The following ADCY1 variants were observed in gnomAD, a reference collection of about 807,000 sequenced individuals.
The protein encoded by ADCY1 is adenylate cyclase type 1.
Under a neutral mutation model 105.4 loss-of-function variants are expected in ADCY1, and 28 were observed. That is an observed-to-expected ratio of 0.27 (90% confidence interval 0.20 to 0.36). The LOEUF is 0.36. ADCY1 is among the 10% of genes least tolerant of loss of function. The pLI is 1.00. For missense variants in ADCY1, 977 were observed against 1,434.2 expected, an observed-to-expected ratio of 0.68 and a Z score of 5.15; for synonymous variants, 655 against 623.8, an observed-to-expected ratio of 1.05 and a Z score of -0.75.
At chr7:45,612,642 C>T (rs368008174) in intron 3 of ADCY1, among the ~76,000 whole-genome samples, 1 of 152,170 alleles carries the variant, frequency 6.6e-6, no homozygotes, top group Non-Finnish European at 1.5e-5. Context: ...TGACCCTTTC[C>T]CCTGCTCAGC....
At chr7:45,611,747 T>C (rs1793599302) in intron 3 of ADCY1, among the ~76,000 whole-genome samples, 1 of 152,008 alleles carries the variant, frequency 6.6e-6, no homozygotes, top group South Asian at 2.1e-4. Flanking sequence ...ATGGTTTGAG[T>C]GTTGCCTATT....
rs58025464 is a variant in ADCY1, at chr7:45,673,964, CATATATATATATAT to C, written c.1606-3874_1606-3861del. Among the ~76,000 whole-genome samples the C allele has an allele frequency of 3.0e-3, 347 of 115,140 alleles. 9 individuals carry two copies. The highest frequency in any genetic ancestry group is 0.024 in the East Asian group (97 of 4,088). The allele number at this position is 115,140 out of a possible 152,430, so 75.5% of individuals were successfully genotyped here. Reference sequence around the variant, plus strand: ...TTTGGCATATGTTCATTCAGATGAGCATATATATATATATATATATATATATATATATATATATA... The same window carrying C: ...TTTGGCATATGTTCATTCAGATGAGCATATATATATATATATATATATATA... On this transcript the variant is annotated intron_variant, in intron 8 of 19. Transcript: ENST00000297323.
intron 1 of ADCY1, among the ~76,000 whole-genome samples, chr7:45,579,781 T>A (rs772027171): frequency 3.3e-5 from 5 of 152,116 alleles, no homozygotes; most frequent in Non-Finnish European, 5.9e-5. Context: ...CTGAGGTCAG[T>A]TTTGCTGCTG....
chr7:45,697,949 C>G lies in ADCY1; in HGVS notation c.2455-5427C>G, dbSNP rs55727284. On this transcript the variant is annotated intron_variant, in intron 14 of 19. Transcript: ENST00000297323. Reference sequence around the variant, plus strand: ...GTTGGATAGTCCTGGTTTATTTGAGCTGATTTGCCCTCCAGCTCATGAACT... The same window carrying G: ...GTTGGATAGTCCTGGTTTATTTGAGGTGATTTGCCCTCCAGCTCATGAACT... Among the ~76,000 whole-genome samples the G allele has an allele frequency of 8.8e-3, 1,344 of 152,272 alleles. 8 individuals carry two copies. The highest frequency in any genetic ancestry group is 0.014 in the Non-Finnish European group (972 of 68,028).
At chr7:45,597,535 A>G (rs1162736002) in intron 2 of ADCY1, among the ~76,000 whole-genome samples, 1 of 152,204 alleles carries the variant, frequency 6.6e-6, no homozygotes, top group Non-Finnish European at 1.5e-5. Context: ...TAACTTTTGC[A>G]GCAACCCATG....
intron 3 of ADCY1, among the ~76,000 whole-genome samples, chr7:45,620,000 G>C (rs538746284): frequency 6.6e-6 from 1 of 152,074 alleles, no homozygotes; most frequent in South Asian, 2.1e-4. Context: ...TTATGTCAAT[G>C]GTATCTCAAT....
chr7:45,610,710 G>A (rs1393446305), intron 3 of ADCY1, among the ~76,000 whole-genome samples: 1 of 95,642 alleles, frequency 1.0e-5, no homozygotes, highest in African/African-American at 3.9e-5. Flanking sequence ...GGAGGTGATG[G>A]TGGAGGTGAG....
chr7:45,657,344 C>T (rs963516587), intron 5 of ADCY1, among the ~76,000 whole-genome samples: 1 of 152,268 alleles, frequency 6.6e-6, no homozygotes, highest in South Asian at 2.1e-4. Context: ...AGTGGCCTCA[C>T]AGAGCCTTAT....
Position 45,719,585 on chromosome 7 carries a change from T to C in ADCY1, c.*5590T>C, listed in dbSNP as rs1785428880. 6.6e-6 allele frequency: 1 copy of C among 152,256 alleles called. No individual in the cohort carries two copies. Among genetic ancestry groups the C allele is most frequent in the African/African-American group, 2.4e-5 (1 of 41,472 alleles). The allele number at this position is 152,256 out of a possible 1,614,324, so 9.4% of individuals were successfully genotyped here. A position where few individuals can be genotyped will look rare whatever the true frequency, so the allele number is the denominator to read the frequency against. On this transcript the variant is annotated 3_prime_UTR_variant, in exon 20 of 20. Transcript: ENST00000297323. ...AAGTCTGTTTCACTACCTTAAAAAATAGATACTCCACTAGAGGCTGTGCTT... is the reference window on the plus strand; with the variant it reads ...AAGTCTGTTTCACTACCTTAAAAAACAGATACTCCACTAGAGGCTGTGCTT...
At chr7:45,682,693 G>T (rs539125627) in intron 11 of ADCY1, among the ~76,000 whole-genome samples, 2 of 152,302 alleles carry the variant, frequency 1.3e-5, no homozygotes, top group South Asian at 4.2e-4. Context: ...AGAGGCAGAT[G>T]GGACAGGCTC....
At chr7:45,604,481 G>A (rs976458602) in intron 2 of ADCY1, among the ~76,000 whole-genome samples, 3 of 152,036 alleles carry the variant, frequency 2.0e-5, no homozygotes, top group Non-Finnish European at 2.9e-5. Context: ...AATCTATAAC[G>A]TATTTTAATT....
Position 45,679,926 on chromosome 7 carries a change from G to C in ADCY1, c.1983+133G>C. The C allele has an allele frequency of 4.8e-6, 5 of 1,032,952 alleles. No individual in the cohort carries two copies. In the Admixed American group the frequency reaches 9.0e-5, roughly 19 times the overall value. 64.0% of individuals were successfully genotyped at this position (1,032,952 alleles called of 1,614,324 possible). A position where few individuals can be genotyped will look rare whatever the true frequency, so the allele number is the denominator to read the frequency against. ...GTGTCCTATACCTGCATATCACCTT[G>C]TTCAGGTATGTGGGTGGCCTGTGTC... On this transcript the variant is annotated intron_variant, in intron 11 of 19. Coordinates refer to ENST00000297323, the MANE Select transcript of ADCY1 (RefSeq NM_021116.4).
intron 4 of ADCY1, among the ~76,000 whole-genome samples, chr7:45,629,315 T>C (rs566200232): frequency 6.6e-6 from 1 of 152,338 alleles, no homozygotes; most frequent in African/African-American, 2.4e-5. Flanking sequence ...CTTAGAATCA[T>C]CCCATTTTGT....
chr7:45,662,065 C>T lies in ADCY1; in HGVS notation c.1456C>T (p.Pro486Ser). ...CCCTTGTGTGTTTGGACAGATATTT[C>T]CAGGCCTGATTCTCTCAGATATAAA... ...IVPSHRRKIF[P>S]GLILSDIKPA... The change falls in exon 8 of 20, where the codon CCA becomes TCA. Residue 486 changes from proline (P) to serine (S), a missense_variant. By Grantham distance (74) the Pro-to-Ser change is moderately conservative. Around this residue, in one of 7 missense-constraint regions of ADCY1, gnomAD observed 66 missense variants for 127.2 expected, o/e 0.52. Transcript: ENST00000297323. 6.2e-7 allele frequency: 1 copy of T among 1,613,826 alleles called. No individual in the cohort carries two copies.
chr7:45,620,063 C>T (rs878993395), intron 3 of ADCY1, among the ~76,000 whole-genome samples: 2 of 151,992 alleles, frequency 1.3e-5, no homozygotes, highest in Non-Finnish European at 2.9e-5. Context: ...GCTGTTAAGC[C>T]TTAAAAAAGG....
At chr7:45,578,260 C>A (rs761311232) in intron 1 of ADCY1, among the ~76,000 whole-genome samples, 2 of 152,134 alleles carry the variant, frequency 1.3e-5, no homozygotes, top group Non-Finnish European at 2.9e-5. Context: ...GCAGAGAGGT[C>A]TTTAGGGGAA....
At chr7:45,576,223 G>C (rs958796838) in intron 1 of ADCY1, among the ~76,000 whole-genome samples, 6 of 152,238 alleles carry the variant, frequency 3.9e-5, no homozygotes, top group African/African-American at 1.4e-4. Flanking sequence ...GCTGAATCCA[G>C]AGAGATTAGG....
chr7:45,645,395 G>A (rs369700878), intron 4 of ADCY1, among the ~76,000 whole-genome samples: 1 of 152,078 alleles, frequency 6.6e-6, no homozygotes, highest in African/African-American at 2.4e-5. Flanking sequence ...TTTCTGCGGT[G>A]GCCATGCCAA....
chr7:45,671,466 G>A (rs948646942), intron 8 of ADCY1, among the ~76,000 whole-genome samples: 3 of 152,120 alleles, frequency 2.0e-5, no homozygotes, highest in African/African-American at 7.2e-5. Context: ...TGATTGATGG[G>A]TCATGTTTAG....
Sources: gnomAD v4.1 joint callset for allele counts (sites outside exome capture counted in the v4.1 genomes callset) on GRCh38, gnomAD v4.1.1 for gene constraint, gnomAD v4.1.1 regional missense constraint, MANE v1.5 for transcripts, NCBI Gene and HGNC (gene_info 2026-07-23, HGNC 2026-07-21) for gene names.